GRHL2: variants seen among roughly 807,000 people sequenced by gnomAD.
GRHL2 encodes grainyhead like transcription factor 2, also known as grainyhead-like protein 2 homolog.
A neutral mutation model predicts 83.8 loss-of-function variants in GRHL2; 21 were observed. That is an observed-to-expected ratio of 0.25 (90% CI 0.18 to 0.36). GRHL2 has a LOEUF of 0.36. GRHL2 is among the 10% of genes least tolerant of loss of function. The pLI, the probability that GRHL2 is intolerant of heterozygous loss-of-function variation, is 1.00. For synonymous variants in GRHL2, 280 were observed against 278.9 expected (o/e 1.00, Z -0.04); for missense variants, 623 against 781.8 (o/e 0.80, Z 2.42).
chr8:101,655,178 A>G (rs12548019), intron 14 of GRHL2, among the ~76,000 whole-genome samples: 60,629 of 148,608 alleles, frequency 0.41, 14,983 homozygotes, highest in African/African-American at 0.71. Context: ...GCGAAACTCC[A>G]ATCCTAAAAA....
chr8:101,621,539 A>C (rs1812965226), intron 9 of GRHL2, among the ~76,000 whole-genome samples: 1 of 152,182 alleles, frequency 6.6e-6, no homozygotes, highest in Non-Finnish European at 1.5e-5. Flanking sequence ...AAAACAATAA[A>C]ATTTTTAAAA....
chr8:101,608,998 G>C (rs990529548), intron 8 of GRHL2, among the ~76,000 whole-genome samples: 12 of 150,656 alleles, frequency 8.0e-5, no homozygotes, highest in African/African-American at 3.0e-4. Flanking sequence ...CCACTCAGGA[G>C]AGTGTGACAC....
At chr8:101,658,190 C>T (rs1250295646) in intron 14 of GRHL2, among the ~76,000 whole-genome samples, 1 of 152,222 alleles carries the variant, frequency 6.6e-6, no homozygotes, top group Non-Finnish European at 1.5e-5. Flanking sequence ...GGACTTTGCC[C>T]TCCTGGAGGC....
chr8:101,554,304 A>C (rs1009301246), intron 3 of GRHL2, among the ~76,000 whole-genome samples: 6 of 152,190 alleles, frequency 3.9e-5, no homozygotes, highest in African/African-American at 1.4e-4. Flanking sequence ...CAGGCCCTAA[A>C]ACTTTTCCTT....
chr8:101,598,947 C>A, intron 7 of GRHL2, 110 bp from the exon 8 acceptor site: 1 of 744,914 alleles, frequency 1.3e-6, no homozygotes, highest in Non-Finnish European at 2.4e-6. Context: ...ATGGAGATAG[C>A]CTGAAAAATA....
chr8:101,578,906 T>C (rs1381270096), intron 7 of GRHL2, among the ~76,000 whole-genome samples: 3 of 152,158 alleles, frequency 2.0e-5, no homozygotes, highest in South Asian at 2.1e-4. Context: ...TCTTGCAAAA[T>C]AGTTAAGCCG....
intron 1 of GRHL2, chr8:101,528,963 T>A (rs1048808256): frequency 3.1e-6 from 1 of 321,102 alleles, no homozygotes; most frequent in African/African-American, 2.2e-5. Flanking sequence ...AGCTCACGGG[T>A]ACATGGACTT....
chr8:101,559,164 C>T (rs72674237), intron 4 of GRHL2, among the ~76,000 whole-genome samples: 6 of 151,882 alleles, frequency 4.0e-5, no homozygotes, highest in Non-Finnish European at 7.4e-5. Flanking sequence ...TAGTTTGTAA[C>T]CTTCCAAATG....
chr8:101,496,813 C>T (rs1810115922), intron 1 of GRHL2, among the ~76,000 whole-genome samples: 3 of 152,044 alleles, frequency 2.0e-5, no homozygotes, highest in Admixed American at 1.3e-4. Context: ...AAGAATGTTA[C>T]AGGCAGGTGG....
At chr8:101,500,528 G>GTATATATATATTTT (rs1266298797) in intron 1 of GRHL2, among the ~76,000 whole-genome samples, 2 of 152,144 alleles carry the variant, frequency 1.3e-5, no homozygotes, top group East Asian at 3.9e-4. Context: ...ATTTTTTTGA[G>GTATATATATATTTT]TTGGAGTTTT....
At chr8:101,507,546 A>T (rs1420608983) in intron 1 of GRHL2, among the ~76,000 whole-genome samples, 2 of 152,160 alleles carry the variant, frequency 1.3e-5, no homozygotes, top group East Asian at 3.8e-4. Context: ...ATGTATATAC[A>T]ATTACACTAT....
chr8:101,610,651 A>G (rs758518233), intron 8 of GRHL2, among the ~76,000 whole-genome samples: 1 of 151,048 alleles, frequency 6.6e-6, no homozygotes. Flanking sequence ...AGGGGCTGTT[A>G]TACCTATTTA....
chr8:101,539,463 C>T (rs568795727), intron 1 of GRHL2, among the ~76,000 whole-genome samples: 6 of 152,210 alleles, frequency 3.9e-5, no homozygotes, highest in African/African-American at 1.2e-4. Flanking sequence ...ACTAATCAAT[C>T]GTGGGGGGCC....
Position 101,542,812 on chromosome 8 carries a change from T to C in GRHL2, c.21-429T>C, listed in dbSNP as rs147047615. 6.2e-4 allele frequency: 281 copies of C among 456,612 alleles called. 2 individuals carry two copies. Among genetic ancestry groups the C allele is most frequent in the African/African-American group, 5.1e-3 (257 of 50,140 alleles). 28.3% of individuals were successfully genotyped at this position (456,612 alleles called of 1,614,324 possible). ...ATGGAAGGGTAAAGAGAGAGTAAGA[T>C]GGAAAGAGAGCAAGAGGGGGTGAAG... On this transcript the variant is annotated intron_variant, in intron 1 of 15. Transcript: ENST00000646743.
Position 101,612,512 on chromosome 8 carries a change from G to GATAC in GRHL2, c.1099-7024_1099-7023insCATA, listed in dbSNP as rs1329838226. Among the ~76,000 whole-genome samples, 141 of 121,628 alleles carry GATAC rather than the reference G, an allele frequency of 1.2e-3. 1 individual carries two copies. The Middle Eastern group carries it at 0.017, about 15-fold the overall frequency. 79.8% of individuals were successfully genotyped at this position (121,628 alleles called of 152,430 possible). A position where few individuals can be genotyped will look rare whatever the true frequency, so the allele number is the denominator to read the frequency against. ...AGATAGATAGATAGATAGATAGATA[G>GATAC]ATAGATAGATACATACATACATACA... On this transcript the variant is annotated intron_variant, in intron 8 of 15. Transcript: ENST00000646743.
chr8:101,679,729 G>A, the GRHL2 span, among the ~76,000 whole-genome samples: 29 of 151,076 alleles, frequency 1.9e-4, no homozygotes, highest in Admixed American at 1.1e-3. Flanking sequence ...CTGATCTCTC[G>A]GCAGAAACCC....
intron 15 of GRHL2, 40 bp downstream of exon 15, chr8:101,664,558 A>T (rs781102778): frequency 7.3e-7 from 1 of 1,374,826 alleles, no homozygotes; most frequent in South Asian, 1.2e-5. Context: ...TTCAAATCAG[A>T]TAAATCCACA....
chr8:101,595,188 G>A (rs533940770), intron 7 of GRHL2, among the ~76,000 whole-genome samples: 2 of 152,294 alleles, frequency 1.3e-5, no homozygotes, highest in South Asian at 2.1e-4. Flanking sequence ...CAATACATTT[G>A]TTGATTAAGT....
intron 13 of GRHL2, among the ~76,000 whole-genome samples, chr8:101,645,072 T>C (rs1222284153): frequency 1.3e-5 from 2 of 150,876 alleles, no homozygotes; most frequent in Non-Finnish European, 3.0e-5. Context: ...CTCAAACTCC[T>C]GAGCTCAAGC....
Sources: allele counts gnomAD v4.1 joint callset (sites outside exome capture counted in the v4.1 genomes callset), GRCh38; gene constraint gnomAD v4.1.1; transcripts MANE v1.5; gene names NCBI Gene and HGNC (gene_info 2026-07-23, HGNC 2026-07-21).